The following CNTN1 variants were observed in gnomAD, a reference collection of about 807,000 sequenced individuals.
CNTN1 encodes the protein contactin-1.
CNTN1 carries 38 observed loss-of-function variants against 126.4 expected under a neutral mutation model. That is an observed-to-expected ratio of 0.30 (90% CI 0.23 to 0.39). The LOEUF is 0.39. Among genes scored for constraint, CNTN1 ranks in the 10% least tolerant of loss-of-function variants. CNTN1 has a pLI of 1.00. For missense variants in CNTN1, 1,009 were observed against 1,248.4 expected (o/e 0.81, Z 2.89); for synonymous variants, 413 against 422.6 (o/e 0.98, Z 0.28).
chr12:40,890,923 C>T (rs187500928), intron 1 of CNTN1, among the ~76,000 whole-genome samples: 1 of 152,284 alleles, frequency 6.6e-6, no homozygotes, highest in Non-Finnish European at 1.5e-5. Context: ...AACTGCCAAA[C>T]TGTCTTCCCA....
At chr12:40,902,819 C>A (rs926847920) in intron 1 of CNTN1, among the ~76,000 whole-genome samples, 4 of 151,918 alleles carry the variant, frequency 2.6e-5, no homozygotes, top group African/African-American at 9.7e-5. Flanking sequence ...TATCCAGCAC[C>A]AGAATAAAAC....
intron 1 of CNTN1, among the ~76,000 whole-genome samples, chr12:40,892,955 T>G (rs1278164193): frequency 7.4e-5 from 10 of 134,946 alleles, no homozygotes; most frequent in Admixed American, 1.4e-4. Context: ...AAATGAAAAC[T>G]GGGGGGGGTG....
At chr12:40,962,627 T>C (rs1272191617) in intron 15 of CNTN1, among the ~76,000 whole-genome samples, 1 of 152,034 alleles carries the variant, frequency 6.6e-6, no homozygotes, top group Non-Finnish European at 1.5e-5. Context: ...CTGTAGAAAA[T>C]GTCCCCGATA....
chr12:40,743,948 G>A lies in CNTN1; in HGVS notation c.-77+51356G>A, dbSNP rs375923415. ...TCACATATATGCCATGGAACACTAC[G>A]CAGCCATGAAAAAGAATGGGATCAT... is the stretch of plus-strand genomic sequence containing the variant. On this transcript the variant is annotated intron_variant, in intron 1 of 23. Coordinates refer to ENST00000551295, the MANE Select transcript of CNTN1 (RefSeq NM_001843.4). 1.2e-3 allele frequency among the ~76,000 whole-genome samples: 179 copies of A among 152,030 alleles called. 3 individuals carry two copies. In the South Asian group the frequency reaches 0.022, roughly 19 times the overall value.
chr12:40,867,238 A>G (rs1943326864), intron 1 of CNTN1, among the ~76,000 whole-genome samples: 1 of 152,170 alleles, frequency 6.6e-6, no homozygotes, highest in African/African-American at 2.4e-5. Context: ...ATAGAAACTA[A>G]AAAGACAAGG....
At chr12:40,931,636 C>T (rs960934360) in intron 7 of CNTN1, among the ~76,000 whole-genome samples, 2 of 151,934 alleles carry the variant, frequency 1.3e-5, no homozygotes, top group Admixed American at 1.3e-4. Context: ...AATACAGTTT[C>T]ATTTCTAATA....
At chr12:40,859,088 CCT>C (rs1237708526) in intron 1 of CNTN1, among the ~76,000 whole-genome samples, 3 of 151,898 alleles carry the variant, frequency 2.0e-5, no homozygotes, top group Non-Finnish European at 4.4e-5. Context: ...CACATGTTGA[CCT>C]ATGTAACAGA....
chr12:40,923,034 A>ATCACCCCT (rs949141339), intron 5 of CNTN1, among the ~76,000 whole-genome samples: 1 of 151,382 alleles, frequency 6.6e-6, no homozygotes, highest in Non-Finnish European at 1.5e-5. Flanking sequence ...AAGGGGCACT[A>ATCACCCCT]TCACCCCTAA....
intron 1 of CNTN1, among the ~76,000 whole-genome samples, chr12:40,709,753 C>T (rs1941863955): frequency 6.6e-6 from 1 of 152,182 alleles, no homozygotes; most frequent in African/African-American, 2.4e-5. Context: ...ATGAACCAAC[C>T]TCTGCTAGCT....
At chr12:41,020,567 T>A in intron 20 of CNTN1, 127 bp downstream of exon 20, 2 of 667,738 alleles carry the variant, frequency 3.0e-6, no homozygotes, top group Non-Finnish European at 2.6e-6. Flanking sequence ...TCTCTGTGTC[T>A]AGTATTGTGG....
At chr12:40,992,253 TG>T (rs1948113023) in intron 16 of CNTN1, among the ~76,000 whole-genome samples, 1 of 152,144 alleles carries the variant, frequency 6.6e-6, no homozygotes, top group Admixed American at 6.5e-5. Flanking sequence ...AACTGGACCC[TG>T]GGGTGCTTAG....
At chr12:40,793,188 C>T (rs1346652198) in intron 1 of CNTN1, among the ~76,000 whole-genome samples, 1 of 152,106 alleles carries the variant, frequency 6.6e-6, no homozygotes, top group Non-Finnish European at 1.5e-5. Context: ...GCTGGCCACA[C>T]CTTTCCTCCT....
In CNTN1 at chr12:40,943,739, G is replaced by A; in HGVS notation, c.1507+15G>A. On this transcript the variant is annotated intron_variant, in intron 13 of 23. Coordinates refer to ENST00000551295, the MANE Select transcript of CNTN1 (RefSeq NM_001843.4). ...TGTTATCACAGGTAAGTTAATGTTT[G>A]AGGGTGCTTAATTTCTAATGTATTA... 6.2e-7 allele frequency: 1 copy of A among 1,612,138 alleles called. No homozygotes were observed.
intron 1 of CNTN1, among the ~76,000 whole-genome samples, chr12:40,900,405 A>G (rs1944562934): frequency 6.6e-6 from 1 of 152,160 alleles, no homozygotes; most frequent in African/African-American, 2.4e-5. Context: ...AAAAATAGGA[A>G]GGCCCACATA....
At chr12:40,940,954 TC>T (rs1946245792) in intron 12 of CNTN1, among the ~76,000 whole-genome samples, 1 of 152,160 alleles carries the variant, frequency 6.6e-6, no homozygotes, top group African/African-American at 2.4e-5. Context: ...AGCAGGGCAT[TC>T]CCCAATGGAC....
intron 3 of CNTN1, 69 bp downstream of exon 3, chr12:40,910,174 A>G: frequency 8.1e-7 from 1 of 1,233,128 alleles, no homozygotes; most frequent in South Asian, 1.2e-5. Context: ...TCTCTGCTTT[A>G]AACTATTAAC....
intron 1 of CNTN1, among the ~76,000 whole-genome samples, chr12:40,773,190 A>G (rs1939413324): frequency 1.3e-5 from 2 of 151,810 alleles, no homozygotes; most frequent in Non-Finnish European, 3.0e-5. Flanking sequence ...AAAAATTAAT[A>G]CCTGAGTTAA....
At chr12:40,905,853 G>A (rs145089831) in intron 1 of CNTN1, among the ~76,000 whole-genome samples, 203 of 152,248 alleles carry the variant, frequency 1.3e-3, no homozygotes, top group African/African-American at 4.1e-3. Flanking sequence ...GTTTAGATAG[G>A]CATAACCAGT....
At chr12:40,981,938 TA>T (rs777634250) in intron 16 of CNTN1, among the ~76,000 whole-genome samples, 9,295 of 140,978 alleles carry the variant, frequency 0.066, 484 homozygotes, top group African/African-American at 0.15. Context: ...TTTAAAAAAC[TA>T]AAAAAAAAAA....
Sources: gnomAD v4.1 joint callset for allele counts (sites outside exome capture counted in the v4.1 genomes callset) on GRCh38, gnomAD v4.1.1 for gene constraint, MANE v1.5 for transcripts, NCBI Gene and HGNC (gene_info 2026-07-23, HGNC 2026-07-21) for gene names.